The following SLC38A7 variants were observed in gnomAD, a reference collection of about 807,000 sequenced individuals.
The protein encoded by SLC38A7 is sodium-coupled neutral amino acid transporter 7.
SLC38A7 carries 29 observed loss-of-function variants against 50.1 expected under a neutral mutation model. That is an observed-to-expected ratio of 0.58 (90% CI 0.43 to 0.79). The LOEUF is 0.79. Among genes scored for constraint, SLC38A7 ranks in the 30% least tolerant of loss-of-function variants. The probability of loss-of-function intolerance (pLI) is 0.00; values close to 1 mark genes in which losing one functional copy is unlikely to be tolerated. For synonymous variants in SLC38A7, 244 were observed against 245.9 expected (o/e 0.99, Z 0.07); for missense variants, 483 against 610.6 (o/e 0.79, Z 2.20).
chr16:58,674,928 A>G (rs1258377749), intron 8 of SLC38A7, among the ~76,000 whole-genome samples: 2 of 152,074 alleles, frequency 1.3e-5, no homozygotes, highest in Non-Finnish European at 2.9e-5. Flanking sequence ...CCCCTGCTTA[A>G]AACACTTCCT....
At position 58,675,923 on chromosome 16, in the gene SLC38A7, G is replaced by A. The variant is rs762960029; in HGVS notation, c.883+17C>T. 34 of 1,531,370 alleles carry A rather than the reference G, an allele frequency of 2.2e-5. No individual in the cohort carries two copies. In the African/African-American group the frequency reaches 2.7e-4, roughly 12 times the overall value. The allele number at this position is 1,531,370 out of a possible 1,614,324, so 94.9% of individuals were successfully genotyped here. On this transcript the variant is annotated intron_variant, in intron 8 of 11. Coordinates refer to ENST00000219320, the MANE Select transcript of SLC38A7 (RefSeq NM_018231.3). ...AGAGCACTCTAGTCCCAGGTCTTGGGGGGGGGGAGCACTCACCTGTCCCCA... is the reference window on the plus strand; with the variant it reads ...AGAGCACTCTAGTCCCAGGTCTTGGAGGGGGGGAGCACTCACCTGTCCCCA...
intron 2 of SLC38A7, among the ~76,000 whole-genome samples, chr16:58,682,861 A>G (rs1196938030): frequency 2.0e-5 from 3 of 151,886 alleles, no homozygotes; most frequent in Non-Finnish European, 2.9e-5. Flanking sequence ...TGAACTCCTG[A>G]CCTTGTGATC....
In SLC38A7 at chr16:58,671,133, G is replaced by C; in HGVS notation, c.1143C>G (p.Thr381=). ...VLQTLVWFLL[T]LLLALFIPDI... is the part of the protein sequence containing the mutation. The stretch of plus-strand genomic sequence containing the variant: ...CAGGGATGAAGAGCGCCAGCAGCAG[G>C]GTGAGCAGGAACCAGACCAGCGTCT... Residue 381 remains threonine, a synonymous_variant, in exon 10 of 12, where the codon ACC becomes ACG. Coordinates refer to ENST00000219320, the MANE Select transcript of SLC38A7 (RefSeq NM_018231.3). The C allele has an allele frequency of 6.2e-7, 1 of 1,613,956 alleles. No individual in the cohort carries two copies. Among genetic ancestry groups the C allele is most frequent in the Non-Finnish European group, 8.5e-7 (1 of 1,179,938 alleles).
At position 58,671,012 on chromosome 16, in the gene SLC38A7, G is replaced by A. The variant is rs760773890; in HGVS notation, c.1231+33C>T. The A allele has an allele frequency of 2.6e-6, 4 of 1,557,936 alleles. No individual in the cohort carries two copies. The African/African-American group carries it at 4.1e-5, about 16-fold the overall frequency. Reference sequence around the variant, plus strand: ...GGCAGGCCCTGGGAGTCTGTGCTGTGGGGCTGTGAGATGGGGCGCCAGGGG... The same window carrying A: ...GGCAGGCCCTGGGAGTCTGTGCTGTAGGGCTGTGAGATGGGGCGCCAGGGG... On this transcript the variant is annotated intron_variant, in intron 10 of 11. Coordinates refer to ENST00000219320, the MANE Select transcript of SLC38A7 (RefSeq NM_018231.3).
intron 9 of SLC38A7, 62 bp from the exon 10 acceptor site, chr16:58,671,306 C>T: frequency 1.3e-6 from 2 of 1,542,562 alleles, no homozygotes; most frequent in Non-Finnish European, 1.8e-6. Flanking sequence ...ACCTCTAGCT[C>T]ACAGGAGCCA....
chr16:58,667,947 C>T (rs1410836712), intron 11 of SLC38A7, among the ~76,000 whole-genome samples: 1 of 151,082 alleles, frequency 6.6e-6, no homozygotes, highest in East Asian at 2.0e-4. Flanking sequence ...AGGCGGGCAA[C>T]CTGAGGTCAG....
At chr16:58,672,902 A>G (rs11644774) in intron 8 of SLC38A7, among the ~76,000 whole-genome samples, 38,105 of 151,474 alleles carry the variant, frequency 0.25, 6,967 homozygotes, top group African/African-American at 0.52. Context: ...ACCCTCCCAG[A>G]GTGTGAGCCA....
Position 58,680,036 on chromosome 16 carries a change from C to T in SLC38A7, c.91G>A (p.Val31Met), listed in dbSNP as rs1244053289. The change falls in exon 3 of 12, where the codon GTG becomes ATG. Residue 31 changes from valine (V) to methionine (M), a missense_variant. Transcript: ENST00000219320. Reference protein sequence around the residue: ...ERARLLQSPCVDTAPKSEWEA... With the variant: ...ERARLLQSPCMDTAPKSEWEA... ...CACTCACTCTTGGGGGCTGTGTCCA[C>T]ACAGGGACTCTGCAGCAGCCGAGCC... is the stretch of plus-strand genomic sequence containing the variant. The T allele has an allele frequency of 1.2e-6, 2 of 1,605,568 alleles. No homozygotes were observed. Among genetic ancestry groups the T allele is most frequent in the East Asian group, 4.5e-5 (2 of 44,752 alleles).
intron 11 of SLC38A7, among the ~76,000 whole-genome samples, chr16:58,669,502 C>T (rs1195893047): frequency 6.6e-6 from 1 of 152,070 alleles, no homozygotes; most frequent in African/African-American, 2.4e-5. Context: ...CACACATGTA[C>T]AGAAGTGGTT....
chr16:58,682,860 G>T (rs866877396), intron 2 of SLC38A7, among the ~76,000 whole-genome samples: 1 of 152,102 alleles, frequency 6.6e-6, no homozygotes, highest in Non-Finnish European at 1.5e-5. Flanking sequence ...TTGAACTCCT[G>T]ACCTTGTGAT....
intron 8 of SLC38A7, among the ~76,000 whole-genome samples, chr16:58,675,580 T>C (rs9926805): frequency 0.13 from 19,194 of 152,036 alleles, 4,096 homozygotes; most frequent in African/African-American, 0.44. Flanking sequence ...TCAGGATGCT[T>C]GCCACCATCT....
chr16:58,667,296 T>A lies in SLC38A7; in HGVS notation c.*89A>T, dbSNP rs1463566606. On this transcript the variant is annotated 3_prime_UTR_variant, in exon 12 of 12. Transcript: ENST00000219320. ...CCGGATGTCATCCCACCAGTTGGAA[T>A]GATCGTGGACTAAGAATGGCCCCAT... The A allele has an allele frequency of 3.0e-6, 4 of 1,354,452 alleles. No homozygotes were observed. In the East Asian group the frequency reaches 9.2e-5, roughly 31 times the overall value. The allele number at this position is 1,354,452 out of a possible 1,614,324, so 83.9% of individuals were successfully genotyped here.
intron 11 of SLC38A7, among the ~76,000 whole-genome samples, chr16:58,668,312 C>T (rs987810444): frequency 7.3e-4 from 111 of 151,072 alleles, no homozygotes; most frequent in Non-Finnish European, 1.3e-3. Context: ...TGGTGGCTCA[C>T]GCCTGTAATC....
At position 58,678,944 on chromosome 16, in the gene SLC38A7, G is replaced by T; in HGVS notation, c.271-50C>A. 1 of 1,576,128 alleles carries T rather than the reference G, an allele frequency of 6.3e-7. No homozygotes were observed. The highest frequency in any genetic ancestry group is 2.2e-5 in the East Asian group (1 of 44,528). On this transcript the variant is annotated intron_variant, in intron 3 of 11. Transcript: ENST00000219320. The surrounding 1 kb of genome is among the most constrained non-coding windows in gnomAD (Gnocchi z 4.0). Reference sequence around the variant, plus strand: ...CTTGTGGCAAAGGCCTGGCAGCAGAGGGCACCCTGGGCTCGCCTAGCATTT... The same window carrying T: ...CTTGTGGCAAAGGCCTGGCAGCAGATGGCACCCTGGGCTCGCCTAGCATTT...
intron 8 of SLC38A7, among the ~76,000 whole-genome samples, chr16:58,674,067 CA>C (rs1434354282): frequency 3.3e-5 from 5 of 151,854 alleles, no homozygotes; most frequent in African/African-American, 1.2e-4. Flanking sequence ...TCAAGTGATT[CA>C]CCCACCTTGG....
chr16:58,683,311 C>T (rs1270417734), intron 2 of SLC38A7, among the ~76,000 whole-genome samples: 1 of 152,208 alleles, frequency 6.6e-6, no homozygotes, highest in Non-Finnish European at 1.5e-5. Context: ...TAACAAGACC[C>T]CTTGGACTAC....
intron 8 of SLC38A7, chr16:58,675,346 G>GAAAAAA: frequency 2.4e-5 from 8 of 327,798 alleles, no homozygotes; most frequent in South Asian, 7.0e-5. Flanking sequence ...GTCTCTGCTA[G>GAAAAAA]AAAAAAAAAA....
In SLC38A7 at chr16:58,669,334, C is replaced by T. The variant is rs192681272; in HGVS notation, c.1286+779G>A. Reference sequence around the variant, plus strand: ...TTCACCATGTTGGTCAGGCTGGTCTCGAACTCCTGACCTCGGGTGATCTGC... The same window carrying T: ...TTCACCATGTTGGTCAGGCTGGTCTTGAACTCCTGACCTCGGGTGATCTGC... On this transcript the variant is annotated intron_variant, in intron 11 of 11. Transcript: ENST00000219320. 4.6e-5 allele frequency among the ~76,000 whole-genome samples: 7 copies of T among 151,666 alleles called. No homozygotes were observed. In the South Asian group the frequency reaches 6.3e-4, roughly 14 times the overall value.
At chr16:58,671,623 G>T in intron 9 of SLC38A7, 1 of 283,692 alleles carries the variant, frequency 3.5e-6, no homozygotes, top group Non-Finnish European at 6.7e-6. Context: ...GTGCAGTGGT[G>T]CAATCTTGGC....
Sources: gnomAD v4.1 joint callset for allele counts (sites outside exome capture counted in the v4.1 genomes callset) on GRCh38, gnomAD v4.1.1 for gene constraint, Gnocchi (gnomAD v3.1) non-coding constraint, MANE v1.5 for transcripts, NCBI Gene and HGNC (gene_info 2026-07-23, HGNC 2026-07-21) for gene names.